COL6A6: variants seen among roughly 807,000 people sequenced by gnomAD.
COL6A6 encodes the protein collagen alpha-6(VI) chain.
In COL6A6, 183 loss-of-function variants were observed where a neutral mutation model predicts 208.6. The observed-to-expected ratio is 0.88, with a 90% CI of 0.78 to 0.99. The LOEUF (loss-of-function observed/expected upper bound fraction) is 0.99, where lower values mean the gene tolerates loss of function less well. Among genes scored for constraint, COL6A6 ranks in the 50% least tolerant of loss-of-function variants. The pLI, the probability that COL6A6 is intolerant of heterozygous loss-of-function variation, is 0.00. For synonymous variants in COL6A6, 973 were observed against 1,011.8 expected (o/e 0.96, Z 0.73); for missense variants, 2,816 against 2,815.2 (o/e 1.00, Z -0.01).
chr3:130,563,261 C>A lies in COL6A6; in HGVS notation c.258C>A (p.Gly86=), dbSNP rs1227179205. Residue 86 remains glycine (G), a synonymous_variant, in exon 3 of 37, where the codon GGC becomes GGA. Coordinates refer to ENST00000358511, the MANE Select transcript of COL6A6 (RefSeq NM_001102608.3). ...AATTCCACCTGAGCACCTTCAAAGGCAGGAGCCCCATGCTGAACCACCTAA... is the reference window on the plus strand; with the variant it reads ...AATTCCACCTGAGCACCTTCAAAGGAAGGAGCCCCATGCTGAACCACCTAA... ...HSEFHLSTFK[G]RSPMLNHLRK... is the part of the protein sequence containing the mutation. 6.2e-7 allele frequency: 1 copy of A among 1,614,032 alleles called. No homozygotes were observed. The highest frequency in any genetic ancestry group is 8.5e-7 in the Non-Finnish European group (1 of 1,179,898).
intron 19 of COL6A6, among the ~76,000 whole-genome samples, chr3:130,599,494 G>C (rs1193416825): frequency 1.3e-5 from 2 of 152,208 alleles, no homozygotes; most frequent in African/African-American, 4.8e-5. Context: ...TCTGAGACAT[G>C]TACCCCAAAT....
chr3:130,527,464 C>G (rs146395529), intron 1 of COL6A6, among the ~76,000 whole-genome samples: 25 of 152,126 alleles, frequency 1.6e-4, no homozygotes, highest in Non-Finnish European at 2.8e-4. Context: ...CAGCACCCCC[C>G]GCCAAGGGCA....
At chr3:130,670,572 T>C (rs6439252) in intron 36 of COL6A6, among the ~76,000 whole-genome samples, 54,682 of 152,132 alleles carry the variant, frequency 0.36, 12,857 homozygotes, top group African/African-American at 0.66. Flanking sequence ...TACCTCCCAG[T>C]TCCCTGGGGT....
chr3:130,543,517 T>C (rs1446161764), intron 1 of COL6A6, among the ~76,000 whole-genome samples: 1 of 152,210 alleles, frequency 6.6e-6, no homozygotes, highest in Non-Finnish European at 1.5e-5. Flanking sequence ...ACTTCCTTTT[T>C]TTACGCTGTT....
rs202169366 is a variant in COL6A6, at chr3:130,665,093, G to A, written c.6593G>A (p.Arg2198Gln). ...CCAAAGCAGCCCCCACGACCATTCC[G>A]AAGGTACTGTCTGTTTGGTGTTACT... ...IDPKQPPRPF[R>Q]SFVPGPLKAT... Residue 2198 changes from arginine (R) to glutamine (Q), a missense_variant, in exon 36 of 37, where the codon CGA (arginine) becomes CAA (glutamine). Coordinates refer to ENST00000358511, the MANE Select transcript of COL6A6 (RefSeq NM_001102608.3). 21 of 1,603,340 alleles carry A rather than the reference G, an allele frequency of 1.3e-5. No homozygotes were observed. Among genetic ancestry groups the A allele is most frequent in the Middle Eastern group, 1.7e-4 (1 of 6,048 alleles).
chr3:130,621,955 C>A, intron 24 of COL6A6, 72 bp downstream of exon 24: 2 of 1,284,246 alleles, frequency 1.6e-6, no homozygotes, highest in Non-Finnish European at 2.3e-6. Context: ...ATTGTATTAG[C>A]CAGGGCCCTT....
chr3:130,519,592 C>T (rs1031211868), intron 1 of COL6A6, among the ~76,000 whole-genome samples: 5 of 152,072 alleles, frequency 3.3e-5, no homozygotes, highest in African/African-American at 1.2e-4. Flanking sequence ...GGTAGATTAG[C>T]TTTGCTCTCC....
Position 130,580,265 on chromosome 3 carries a change from C to T in COL6A6, c.3548-1296C>T, listed in dbSNP as rs151048702. On this transcript the variant is annotated intron_variant, in intron 8 of 36. Transcript: ENST00000358511. ...TGGAAAGGATATATTCTGCTTTTTT[C>T]TAAATAGTTTATCTTATTTTCTGAT... is the stretch of plus-strand genomic sequence containing the variant. Among the ~76,000 whole-genome samples the T allele has an allele frequency of 1.3e-3, 204 of 152,170 alleles. 6 individuals are homozygous for T. In the East Asian group the frequency reaches 0.032, roughly 24 times the overall value.
At chr3:130,589,950 C>A in intron 12 of COL6A6, 1 of 442,706 alleles carries the variant, frequency 2.3e-6, no homozygotes, top group Non-Finnish European at 4.5e-6. Flanking sequence ...AGTTTTTGGA[C>A]TAATTATTTC....
chr3:130,605,283 T>C (rs144991412), intron 20 of COL6A6, among the ~76,000 whole-genome samples: 13 of 152,264 alleles, frequency 8.5e-5, no homozygotes, highest in Non-Finnish European at 1.9e-4. Context: ...CCCTTTTTTA[T>C]GGCATTTGCA....
intron 12 of COL6A6, 137 bp downstream of exon 12, chr3:130,589,319 A>G (rs1577806216): frequency 3.5e-6 from 2 of 570,484 alleles, no homozygotes; most frequent in South Asian, 5.3e-5. Context: ...TCCTCTTTTT[A>G]TATGTTAAGT....
In COL6A6 at chr3:130,592,604, G is replaced by C. The variant is rs745486994; in HGVS notation, c.4336G>C (p.Gly1446Arg). ...QGTKGCYGTKGPKGNRGLNGQ... is the reference protein window; with the variant it reads ...QGTKGCYGTKRPKGNRGLNGQ... Reference sequence around the variant, plus strand: ...TACTAAGGGATGCTATGGCACCAAAGGTCCTAAGGTAAGGATTGCATAAGA... The same window carrying C: ...TACTAAGGGATGCTATGGCACCAAACGTCCTAAGGTAAGGATTGCATAAGA... The change falls in exon 14 of 37, where the codon GGT (glycine) becomes CGT (arginine). Residue 1446 changes from glycine to arginine, a missense_variant. Coordinates refer to ENST00000358511, the MANE Select transcript of COL6A6 (RefSeq NM_001102608.3). 1 of 1,613,316 alleles carries C rather than the reference G, an allele frequency of 6.2e-7. No individual in the cohort carries two copies. The highest frequency in any genetic ancestry group is 1.7e-5 in the Admixed American group (1 of 59,964).
intron 26 of COL6A6, among the ~76,000 whole-genome samples, chr3:130,627,663 T>C (rs1191969774): frequency 6.6e-6 from 1 of 152,302 alleles, no homozygotes; most frequent in East Asian, 1.9e-4. Flanking sequence ...TCTTAGCCAC[T>C]CCAGGCTCAA....
intron 33 of COL6A6, among the ~76,000 whole-genome samples, chr3:130,657,284 G>C (rs187590598): frequency 8.5e-5 from 13 of 152,334 alleles, no homozygotes; most frequent in Non-Finnish European, 1.6e-4. Flanking sequence ...TGAATGAGTG[G>C]GACAAGCCTA....
At chr3:130,628,579 A>T (rs549665566) in intron 26 of COL6A6, among the ~76,000 whole-genome samples, 150 of 152,300 alleles carry the variant, frequency 9.8e-4, no homozygotes, top group Non-Finnish European at 1.5e-3. Flanking sequence ...TAAATTAATT[A>T]TATACTTTTT....
chr3:130,554,233 G>A (rs1376959347), intron 1 of COL6A6, among the ~76,000 whole-genome samples: 1 of 152,214 alleles, frequency 6.6e-6, no homozygotes, highest in Non-Finnish European at 1.5e-5. Context: ...CTGGTATAGG[G>A]GTGCCAGCTC....
intron 33 of COL6A6, among the ~76,000 whole-genome samples, chr3:130,652,446 G>A (rs2065671673): frequency 6.6e-6 from 1 of 152,192 alleles, no homozygotes; most frequent in Admixed American, 6.5e-5. Flanking sequence ...CAGAGATGAA[G>A]TCAGAATTGC....
At chr3:130,554,970 G>A (rs2062735073) in intron 1 of COL6A6, among the ~76,000 whole-genome samples, 1 of 152,112 alleles carries the variant, frequency 6.6e-6, no homozygotes, top group Non-Finnish European at 1.5e-5. Flanking sequence ...CCAGGCTGGG[G>A]CCCCAGAAGA....
chr3:130,590,987 C>T (rs2063699668), intron 12 of COL6A6, 54 bp from the exon 13 acceptor site: 1 of 1,347,116 alleles, frequency 7.4e-7, no homozygotes, highest in Middle Eastern at 1.8e-4. Context: ...GGTTTGGTTA[C>T]CTCTGATTTT....
Sources: gnomAD v4.1 joint callset for allele counts (sites outside exome capture counted in the v4.1 genomes callset) on GRCh38, gnomAD v4.1.1 for gene constraint, MANE v1.5 for transcripts, NCBI Gene and HGNC (gene_info 2026-07-23, HGNC 2026-07-21) for gene names.